The following ERBB4 variants were observed in gnomAD, a reference collection of about 807,000 sequenced individuals.
The protein encoded by ERBB4 is receptor tyrosine-protein kinase erbB-4.
In ERBB4, 42 loss-of-function variants were observed where a neutral mutation model predicts 158.0. That is an observed-to-expected ratio of 0.27 (90% CI 0.21 to 0.34). The LOEUF (loss-of-function observed/expected upper bound fraction) is 0.34. Ranked by LOEUF, ERBB4 falls within the 10% of genes least tolerant of loss-of-function variation. The pLI is 1.00. For missense variants in ERBB4, 1,333 were observed against 1,624.1 expected (o/e 0.82, Z 3.08); for synonymous variants, 583 against 558.7 (o/e 1.04, Z -0.61).
At position 211,376,311 on chromosome 2, in the gene ERBB4, T is replaced by C. The variant is rs2062472748; in HGVS notation, c.*7304A>G. On this transcript the variant is annotated 3_prime_UTR_variant, in exon 28 of 28. Coordinates refer to ENST00000342788, the MANE Select transcript of ERBB4 (RefSeq NM_005235.3). The stretch of plus-strand genomic sequence containing the variant: ...TACAAATCAACCCTAAAGACAATTA[T>C]GTTCCAAATAAAGATGTCCACAAAA... The C allele has an allele frequency of 8.6e-6, 2 of 232,958 alleles. No homozygotes were observed. Among genetic ancestry groups the C allele is most frequent in the Admixed American group, 5.6e-5 (1 of 17,730 alleles). The allele number at this position is 232,958 out of a possible 1,614,324, so 14.4% of individuals were successfully genotyped here.
intron 1 of ERBB4, among the ~76,000 whole-genome samples, chr2:212,364,819 C>T (rs1364385018): frequency 6.6e-6 from 1 of 151,512 alleles, no homozygotes; most frequent in African/African-American, 2.4e-5. Context: ...ACTATCCATT[C>T]AGGATCACTT....
intron 20 of ERBB4, among the ~76,000 whole-genome samples, chr2:211,520,465 C>T (rs1184360438): frequency 1.3e-5 from 2 of 151,894 alleles, no homozygotes; most frequent in Non-Finnish European, 2.9e-5. Flanking sequence ...GTACTGCCTG[C>T]AAACTAAGAA....
At chr2:212,030,814 G>C (rs1301013611) in intron 2 of ERBB4, among the ~76,000 whole-genome samples, 1 of 152,100 alleles carries the variant, frequency 6.6e-6, no homozygotes, top group Non-Finnish European at 1.5e-5. Context: ...TGTAAGCAGA[G>C]AAAGTTCCAG....
At chr2:211,824,572 C>T (rs1430008998) in intron 3 of ERBB4, among the ~76,000 whole-genome samples, 1 of 151,882 alleles carries the variant, frequency 6.6e-6, no homozygotes, top group African/African-American at 2.4e-5. Context: ...AATGCTACTT[C>T]AAAAGTTTTA....
intron 25 of ERBB4, among the ~76,000 whole-genome samples, chr2:211,409,202 G>A (rs2063206265): frequency 6.6e-6 from 1 of 151,954 alleles, no homozygotes; most frequent in Non-Finnish European, 1.5e-5. Context: ...TGAAAGCATA[G>A]ACAAATCAGT....
chr2:211,466,672 G>C (rs1218008543), intron 20 of ERBB4, among the ~76,000 whole-genome samples: 1 of 152,106 alleles, frequency 6.6e-6, no homozygotes, highest in Admixed American at 6.6e-5. Context: ...TGAATTCAGT[G>C]AGTAGAAGAA....
intron 1 of ERBB4, among the ~76,000 whole-genome samples, chr2:212,277,698 C>T (rs1209234920): frequency 6.6e-6 from 1 of 151,684 alleles, no homozygotes; most frequent in East Asian, 1.9e-4. Context: ...TGCCTGCATG[C>T]TTATTATTTG....
At chr2:212,293,689 A>G (rs1434005646) in intron 1 of ERBB4, among the ~76,000 whole-genome samples, 1 of 151,818 alleles carries the variant, frequency 6.6e-6, no homozygotes, top group African/African-American at 2.4e-5. Context: ...CTCTACTAAA[A>G]TTACAAAAAT....
intron 1 of ERBB4, among the ~76,000 whole-genome samples, chr2:212,277,877 T>A (rs561487108): frequency 1.3e-5 from 2 of 151,774 alleles, no homozygotes; most frequent in Admixed American, 1.3e-4. Flanking sequence ...AGTATGATTA[T>A]GTTTCAGGTT....
intron 1 of ERBB4, among the ~76,000 whole-genome samples, chr2:212,310,017 TA>T: frequency 6.6e-6 from 1 of 150,622 alleles, no homozygotes; most frequent in East Asian, 2.0e-4. Context: ...TGTTAAGGTA[TA>T]ATGTAACTGA....
intron 25 of ERBB4, among the ~76,000 whole-genome samples, chr2:211,412,024 T>C (rs2063272881): frequency 1.3e-5 from 2 of 151,958 alleles, no homozygotes; most frequent in Non-Finnish European, 2.9e-5. Flanking sequence ...TGTGAAGTGA[T>C]GAGGGCCTGA....
chr2:211,810,579 G>T (rs566062109), intron 3 of ERBB4, among the ~76,000 whole-genome samples: 1 of 150,180 alleles, frequency 6.7e-6, no homozygotes, highest in South Asian at 2.2e-4. Context: ...TTGAGCCTAT[G>T]TGTGTCTCTG....
At chr2:212,500,244 TAAG>T (rs1218073345) in intron 1 of ERBB4, among the ~76,000 whole-genome samples, 1 of 152,094 alleles carries the variant, frequency 6.6e-6, no homozygotes, top group African/African-American at 2.4e-5. Flanking sequence ...GTTTGCATAA[TAAG>T]GATTCACATA....
chr2:211,675,415 G>GA (rs1398428106), intron 13 of ERBB4, among the ~76,000 whole-genome samples: 2 of 151,744 alleles, frequency 1.3e-5, no homozygotes, highest in Non-Finnish European at 2.9e-5. Flanking sequence ...TCTGTAAAAG[G>GA]AAAAAATAAG....
chr2:212,276,085 G>T (rs1371945002), intron 1 of ERBB4, among the ~76,000 whole-genome samples: 1 of 151,706 alleles, frequency 6.6e-6, no homozygotes, highest in Non-Finnish European at 1.5e-5. Flanking sequence ...TGGTTCCAGG[G>T]TCCATATAGT....
intron 3 of ERBB4, among the ~76,000 whole-genome samples, chr2:211,834,049 C>T (rs1362822872): frequency 6.6e-6 from 1 of 152,020 alleles, no homozygotes; most frequent in Non-Finnish European, 1.5e-5. Flanking sequence ...GTCTATGAAA[C>T]TGACAATATG....
intron 2 of ERBB4, among the ~76,000 whole-genome samples, chr2:212,096,237 T>C (rs925438520): frequency 6.6e-6 from 1 of 152,042 alleles, no homozygotes; most frequent in African/African-American, 2.4e-5. Context: ...GGAGGCAAAA[T>C]CTGAGAAATA....
At chr2:212,059,545 C>A (rs998423311) in intron 2 of ERBB4, among the ~76,000 whole-genome samples, 1 of 152,158 alleles carries the variant, frequency 6.6e-6, no homozygotes, top group Non-Finnish European at 1.5e-5. Context: ...TCAAACTATA[C>A]TACAAGGCTA....
At position 211,387,877 on chromosome 2, in the gene ERBB4, G is replaced by A. The variant is rs183142684; in HGVS notation, c.3183+68C>T. 2.9e-4 allele frequency: 347 copies of A among 1,202,672 alleles called. 2 individuals carry two copies. In the African/African-American group the frequency reaches 3.3e-3, roughly 12 times the overall value. 74.5% of individuals were successfully genotyped at this position (1,202,672 alleles called of 1,614,324 possible). The stretch of plus-strand genomic sequence containing the variant: ...CAAAATGAGGAAATTATGCAGAGAC[G>A]AGAGAGGAAACATGGTAAGCAAAGA... On this transcript the variant is annotated intron_variant, in intron 26 of 27. Coordinates refer to ENST00000342788, the MANE Select transcript of ERBB4 (RefSeq NM_005235.3).
Sources: gnomAD v4.1 joint callset for allele counts (sites outside exome capture counted in the v4.1 genomes callset) on GRCh38, gnomAD v4.1.1 for gene constraint, MANE v1.5 for transcripts, NCBI Gene and HGNC (gene_info 2026-07-23, HGNC 2026-07-21) for gene names.